The following PDE11A variants were observed in gnomAD, a reference collection of about 807,000 sequenced individuals.
The protein encoded by PDE11A is phosphodiesterase 11A, also known as dual 3',5'-cyclic-AMP and -GMP phosphodiesterase 11A.
Under a neutral mutation model 100.5 loss-of-function variants are expected in PDE11A, and 100 were observed. That is an observed-to-expected ratio of 1.00 (90% confidence interval 0.85 to 1.18). The LOEUF is 1.18. Ranked by LOEUF, PDE11A falls within the 50% of genes most tolerant of loss-of-function variation. The probability of loss-of-function intolerance (pLI) is 0.00; values close to 1 mark genes in which losing one functional copy is unlikely to be tolerated. For missense variants in PDE11A, 1,141 were observed against 1,152.6 expected (o/e 0.99, Z 0.15); for synonymous variants, 381 against 420.8 (o/e 0.91, Z 1.16).
chr2:178,050,131 G>A (rs1316010710), intron 1 of PDE11A, among the ~76,000 whole-genome samples: 1 of 152,136 alleles, frequency 6.6e-6, no homozygotes, highest in Non-Finnish European at 1.5e-5. Context: ...CATACGGCCA[G>A]GTGCCCCTCT....
At chr2:177,863,234 G>A (rs1463128302) in intron 5 of PDE11A, among the ~76,000 whole-genome samples, 1 of 151,836 alleles carries the variant, frequency 6.6e-6, no homozygotes, top group South Asian at 2.1e-4. Flanking sequence ...ATTCCTAGAG[G>A]ATAACATAGG....
intron 10 of PDE11A, among the ~76,000 whole-genome samples, chr2:177,757,142 ATAG>A (rs2082101143): frequency 2.0e-5 from 3 of 152,248 alleles, no homozygotes; most frequent in African/African-American, 7.2e-5. Flanking sequence ...AAGAAAAATA[ATAG>A]TAGGGTTTTT....
chr2:177,898,741 C>T (rs1317556216), intron 3 of PDE11A, among the ~76,000 whole-genome samples: 1 of 152,146 alleles, frequency 6.6e-6, no homozygotes, highest in Non-Finnish European at 1.5e-5. Context: ...TAAATATACT[C>T]TTTTAAATTG....
chr2:177,965,823 T>C (rs565539548), intron 2 of PDE11A, among the ~76,000 whole-genome samples: 23 of 152,240 alleles, frequency 1.5e-4, no homozygotes, highest in Admixed American at 9.8e-4. Context: ...TTTTGCTTAG[T>C]ATTGCTTCAG....
At chr2:177,951,656 C>T (rs776559327) in intron 2 of PDE11A, among the ~76,000 whole-genome samples, 1 of 152,094 alleles carries the variant, frequency 6.6e-6, no homozygotes, top group Non-Finnish European at 1.5e-5. Context: ...AAGGGCAATG[C>T]AAGTGGGATA....
chr2:177,920,887 C>G (rs1280555395), intron 2 of PDE11A, among the ~76,000 whole-genome samples: 10 of 151,856 alleles, frequency 6.6e-5, no homozygotes, highest in Non-Finnish European at 1.5e-4. Context: ...ACAGTGAAAC[C>G]CTGTCTCTAC....
At chr2:178,006,493 A>G (rs948009533) in intron 2 of PDE11A, among the ~76,000 whole-genome samples, 2 of 152,178 alleles carry the variant, frequency 1.3e-5, no homozygotes, top group Admixed American at 1.3e-4. Context: ...TTTTTACCCT[A>G]AAGTCAAGAA....
chr2:177,837,181 T>C (rs1163394925), intron 6 of PDE11A, among the ~76,000 whole-genome samples: 1 of 152,204 alleles, frequency 6.6e-6, no homozygotes, highest in African/African-American at 2.4e-5. Context: ...AAAAAGGATT[T>C]ATGAGTTTGG....
intron 2 of PDE11A, among the ~76,000 whole-genome samples, chr2:177,966,059 A>G (rs1371927083): frequency 1.3e-5 from 2 of 152,294 alleles, no homozygotes; most frequent in Non-Finnish European, 2.9e-5. Context: ...TTCACATTGC[A>G]GAGATCTTTT....
At chr2:177,908,674 C>A (rs75712985) in intron 2 of PDE11A, among the ~76,000 whole-genome samples, 2,840 of 152,190 alleles carry the variant, frequency 0.019, 52 homozygotes, top group South Asian at 0.046. Flanking sequence ...CCAGCTATAG[C>A]GTGGAAAATG....
At chr2:177,788,348 A>G (rs1303977659) in intron 9 of PDE11A, among the ~76,000 whole-genome samples, 1 of 145,338 alleles carries the variant, frequency 6.9e-6, no homozygotes, top group African/African-American at 2.6e-5. Flanking sequence ...AACGAGAACA[A>G]AGACACCACA....
intron 4 of PDE11A, among the ~76,000 whole-genome samples, chr2:177,892,374 TGTTA>T (rs1441405416): frequency 6.6e-6 from 1 of 152,216 alleles, no homozygotes; most frequent in African/African-American, 2.4e-5. Flanking sequence ...TCTATCTAAT[TGTTA>T]TATATGTGGA....
chr2:177,913,328 AAC>A (rs1482262330), intron 2 of PDE11A, among the ~76,000 whole-genome samples: 1 of 152,146 alleles, frequency 6.6e-6, no homozygotes, highest in African/African-American at 2.4e-5. Flanking sequence ...TACTTTATTC[AAC>A]ACACAACTTA....
intron 10 of PDE11A, among the ~76,000 whole-genome samples, chr2:177,734,280 C>T (rs900819408): frequency 6.6e-6 from 1 of 152,022 alleles, no homozygotes; most frequent in Non-Finnish European, 1.5e-5. Flanking sequence ...CCAGAATCAA[C>T]TCGAATACTC....
chr2:178,066,309 C>T lies in PDE11A; in HGVS notation c.912+5217G>A, dbSNP rs146897292. ...CTCCATATGACTCAGATTCAGGGCC[C>T]GCTTCGTGAGCATGTGACCAGTGCA... On this transcript the variant is annotated intron_variant, in intron 1 of 19. Coordinates refer to ENST00000286063, the MANE Select transcript of PDE11A (RefSeq NM_016953.4). 5.0e-4 allele frequency among the ~76,000 whole-genome samples: 76 copies of T among 152,234 alleles called. No individual in the cohort carries two copies. In the South Asian group the frequency reaches 7.2e-3, roughly 15 times the overall value.
chr2:178,039,726 T>C (rs192633922), intron 1 of PDE11A, among the ~76,000 whole-genome samples: 1 of 151,454 alleles, frequency 6.6e-6, no homozygotes, highest in African/African-American at 2.4e-5. Flanking sequence ...CTGTCAATAG[T>C]AGAATGATAA....
intron 2 of PDE11A, among the ~76,000 whole-genome samples, chr2:177,930,111 C>G (rs1401113384): frequency 6.6e-6 from 1 of 151,866 alleles, no homozygotes; most frequent in Non-Finnish European, 1.5e-5. Context: ...TTCAATTGAT[C>G]GATTAATTAT....
intron 6 of PDE11A, among the ~76,000 whole-genome samples, chr2:177,828,869 A>G (rs901953798): frequency 6.6e-6 from 1 of 152,152 alleles, no homozygotes; most frequent in Admixed American, 6.5e-5. Context: ...GTGTGTGAGC[A>G]GAGTTGTAAC....
chr2:177,969,281 G>A (rs1054414911), intron 2 of PDE11A, among the ~76,000 whole-genome samples: 1 of 152,138 alleles, frequency 6.6e-6, no homozygotes, highest in African/African-American at 2.4e-5. Context: ...TGGGAGGCAA[G>A]GGGAGGGATA....
Sources: gnomAD v4.1 joint callset for allele counts (sites outside exome capture counted in the v4.1 genomes callset) on GRCh38, gnomAD v4.1.1 for gene constraint, MANE v1.5 for transcripts, NCBI Gene and HGNC (gene_info 2026-07-23, HGNC 2026-07-21) for gene names.